The following HECTD2 variants were observed in gnomAD, a reference collection of about 807,000 sequenced individuals.
HECTD2 encodes probable E3 ubiquitin-protein ligase HECTD2.
In HECTD2, 35 loss-of-function variants were observed where a neutral mutation model predicts 103.2. That is an observed-to-expected ratio of 0.34 (90% CI 0.26 to 0.45). The LOEUF is 0.45. HECTD2 is among the 20% of genes least tolerant of loss of function. The pLI is 1.00. For synonymous variants in HECTD2, 281 were observed against 329.9 expected (o/e 0.85, Z 1.61); for missense variants, 596 against 937.4 (o/e 0.64, Z 4.76).
At chr10:91,428,058 G>A (rs1395483842) in intron 2 of HECTD2, among the ~76,000 whole-genome samples, 7 of 151,472 alleles carry the variant, frequency 4.6e-5, no homozygotes, top group Non-Finnish European at 7.4e-5. Context: ...TTTGTATAAG[G>A]TGTAAGGAAG....
chr10:91,492,328 C>A, intron 12 of HECTD2, 24 bp from the exon 13 acceptor site: 1 of 1,603,518 alleles, frequency 6.2e-7, no homozygotes, highest in South Asian at 1.1e-5. Context: ...TTGTTCTCCT[C>A]TACTGTATAA....
At chr10:91,490,564 T>A (rs963539576) in intron 11 of HECTD2, among the ~76,000 whole-genome samples, 2 of 152,158 alleles carry the variant, frequency 1.3e-5, no homozygotes, top group African/African-American at 2.4e-5. Context: ...CATTTTATAT[T>A]TGTATTTATT....
At chr10:91,430,223 A>G (rs1843780928) in intron 2 of HECTD2, among the ~76,000 whole-genome samples, 3 of 152,106 alleles carry the variant, frequency 2.0e-5, no homozygotes, top group Non-Finnish European at 4.4e-5. Flanking sequence ...TTCTAGTTTG[A>G]TTGCACTGTG....
At chr10:91,502,176 G>A (rs1002512797) in intron 20 of HECTD2, among the ~76,000 whole-genome samples, 2 of 152,100 alleles carry the variant, frequency 1.3e-5, no homozygotes, top group African/African-American at 2.4e-5. Context: ...CTAGAATCCA[G>A]AGACTGTAAA....
intron 5 of HECTD2, among the ~76,000 whole-genome samples, chr10:91,474,193 G>A (rs578057595): frequency 2.9e-4 from 44 of 152,104 alleles, no homozygotes; most frequent in Non-Finnish European, 5.3e-4. Context: ...TTTCTTAACT[G>A]GAGAGTAGGG....
At chr10:91,444,338 C>G (rs542109235) in intron 2 of HECTD2, among the ~76,000 whole-genome samples, 1 of 152,038 alleles carries the variant, frequency 6.6e-6, no homozygotes, top group Non-Finnish European at 1.5e-5. Context: ...TTTGGCAGAG[C>G]CTGAGAGTGG....
chr10:91,500,178 A>G (rs1362328803), intron 18 of HECTD2, among the ~76,000 whole-genome samples: 2 of 152,198 alleles, frequency 1.3e-5, no homozygotes, highest in African/African-American at 4.8e-5. Flanking sequence ...AGGAGATACT[A>G]GGATACGGGA....
intron 5 of HECTD2, among the ~76,000 whole-genome samples, chr10:91,467,309 G>A (rs149422678): frequency 2.0e-3 from 303 of 152,278 alleles, no homozygotes; most frequent in Non-Finnish European, 3.4e-3. Flanking sequence ...CGCCCAGATG[G>A]TTTGGTATGG....
rs1384337854 is a variant in HECTD2, at chr10:91,500,636, T to C, written c.2066+19T>C. On this transcript the variant is annotated intron_variant, in intron 19 of 20. Coordinates refer to ENST00000298068, the MANE Select transcript of HECTD2 (RefSeq NM_182765.6). Reference sequence around the variant, plus strand: ...CTATAAAGTGAGCTCTTTATACTTCTGATAGTGGGGGATGTGGAGAGGGAA... The same window carrying C: ...CTATAAAGTGAGCTCTTTATACTTCCGATAGTGGGGGATGTGGAGAGGGAA... 5.3e-6 allele frequency: 6 copies of C among 1,139,300 alleles called. No individual in the cohort carries two copies. Among genetic ancestry groups the C allele is most frequent in the Non-Finnish European group, 6.7e-6 (5 of 748,288 alleles). The allele number at this position is 1,139,300 out of a possible 1,614,324, so 70.6% of individuals were successfully genotyped here. A position where few individuals can be genotyped will look rare whatever the true frequency, so the allele number is the denominator to read the frequency against.
intron 2 of HECTD2, among the ~76,000 whole-genome samples, chr10:91,451,870 T>C (rs1386971461): frequency 1.3e-5 from 2 of 152,152 alleles, no homozygotes; most frequent in Non-Finnish European, 1.5e-5. Flanking sequence ...GTTGAAAATA[T>C]ATCCTGATTA....
intron 20 of HECTD2, among the ~76,000 whole-genome samples, chr10:91,502,505 T>C (rs1846942661): frequency 6.6e-6 from 1 of 152,236 alleles, no homozygotes; most frequent in East Asian, 1.9e-4. Flanking sequence ...CTTATACATA[T>C]TTGTATGCTC....
chr10:91,505,473 C>G (rs1373223337), intron 20 of HECTD2, among the ~76,000 whole-genome samples: 1 of 151,604 alleles, frequency 6.6e-6, no homozygotes, highest in Non-Finnish European at 1.5e-5. Flanking sequence ...GGTTGCAATC[C>G]TAGTCTCTGA....
chr10:91,429,136 CAT>C (rs1030970687), intron 2 of HECTD2, among the ~76,000 whole-genome samples: 25 of 151,678 alleles, frequency 1.6e-4, no homozygotes, highest in Non-Finnish European at 3.4e-4. Flanking sequence ...TTGAGAAAAT[CAT>C]GTGGTTTTTG....
intron 2 of HECTD2, among the ~76,000 whole-genome samples, chr10:91,437,546 G>A (rs1844170976): frequency 6.6e-6 from 1 of 151,714 alleles, no homozygotes; most frequent in African/African-American, 2.4e-5. Flanking sequence ...TCCTTTGTTG[G>A]GGGGAGTATA....
Position 91,483,105 on chromosome 10 carries a change from TTA to T in HECTD2, c.821+32_821+33del, listed in dbSNP as rs1158191155. ...AATCATTCTATGATATTAAGAACTTTTATAGTCTCACAGTTTTAAGTTTGGTA... is the reference window on the plus strand; with the variant it reads ...AATCATTCTATGATATTAAGAACTTTTAGTCTCACAGTTTTAAGTTTGGTA... On this transcript the variant is annotated intron_variant, in intron 8 of 20. Coordinates refer to ENST00000298068, the MANE Select transcript of HECTD2 (RefSeq NM_182765.6). The T allele has an allele frequency of 1.7e-5, 17 of 975,594 alleles. No individual in the cohort carries two copies. In the Admixed American group the frequency reaches 3.3e-4, roughly 19 times the overall value. 60.4% of individuals were successfully genotyped at this position (975,594 alleles called of 1,614,324 possible).
chr10:91,471,357 C>G (rs1446574435), intron 5 of HECTD2, among the ~76,000 whole-genome samples: 1 of 152,144 alleles, frequency 6.6e-6, no homozygotes, highest in Non-Finnish European at 1.5e-5. Context: ...AACCCACAGC[C>G]AACATCATAC....
intron 2 of HECTD2, among the ~76,000 whole-genome samples, chr10:91,444,940 T>C (rs1331261875): frequency 6.6e-6 from 1 of 152,226 alleles, no homozygotes; most frequent in African/African-American, 2.4e-5. Context: ...TCTTTTAATA[T>C]ACTGTTGCCA....
At chr10:91,451,768 T>C (rs184895689) in intron 2 of HECTD2, among the ~76,000 whole-genome samples, 1 of 152,256 alleles carries the variant, frequency 6.6e-6, no homozygotes, top group Non-Finnish European at 1.5e-5. Context: ...GAGCCAAGGA[T>C]AGATGCTTGA....
chr10:91,455,741 ATTTTTG>A (rs1845058060), intron 2 of HECTD2, among the ~76,000 whole-genome samples: 1 of 152,158 alleles, frequency 6.6e-6, no homozygotes, highest in Admixed American at 6.5e-5. Flanking sequence ...CCTTGAATTA[ATTTTTG>A]TATAAGGTGA....
Sources: allele counts gnomAD v4.1 joint callset (sites outside exome capture counted in the v4.1 genomes callset), GRCh38; gene constraint gnomAD v4.1.1; transcripts MANE v1.5; gene names NCBI Gene and HGNC (gene_info 2026-07-23, HGNC 2026-07-21).